The following EIF3M variants were observed in gnomAD, a reference collection of about 807,000 sequenced individuals.
EIF3M encodes B5 receptor.
A neutral mutation model predicts 49.7 loss-of-function variants in EIF3M; 25 were observed. The observed-to-expected ratio is 0.50, with a 90% CI of 0.37 to 0.70. The LOEUF (loss-of-function observed/expected upper bound fraction) is 0.70, where lower values mean the gene tolerates loss of function less well. Ranked by LOEUF, EIF3M falls within the 30% of genes least tolerant of loss-of-function variation. EIF3M has a pLI of 0.00. For synonymous variants in EIF3M, 156 were observed against 149.8 expected, an observed-to-expected ratio of 1.04 and a Z score of -0.30; for missense variants, 350 against 440.0, an observed-to-expected ratio of 0.80 and a Z score of 1.83.
Position 32,604,434 on chromosome 11 carries a change from G to C in EIF3M, c.*2035G>C, listed in dbSNP as rs1276049293. 1 of 152,094 alleles carries C rather than the reference G, an allele frequency of 6.6e-6. No homozygotes were observed. Among genetic ancestry groups the C allele is most frequent in the African/African-American group, 2.4e-5 (1 of 41,414 alleles). 9.4% of individuals were successfully genotyped at this position (152,094 alleles called of 1,614,324 possible). ...TGTTTTAGTTGAAAGGGATATACAC[G>C]TGTATTTTAGAAATATGAAACAGGA... On this transcript the variant is annotated 3_prime_UTR_variant, in exon 11 of 11. Transcript: ENST00000531120.
intron 5 of EIF3M, chr11:32,592,177 C>T (rs1855113234): frequency 5.7e-6 from 2 of 353,012 alleles, no homozygotes; most frequent in Non-Finnish European, 5.4e-6. Flanking sequence ...AAACTACCAT[C>T]TCCAAAGTTT....
At chr11:32,593,829 A>T in intron 5 of EIF3M, 37 bp from the exon 6 acceptor site, 1 of 1,459,116 alleles carries the variant, frequency 6.9e-7, no homozygotes, top group African/African-American at 1.5e-5. Flanking sequence ...GAATAGCAGT[A>T]ATGCTTTCAA....
chr11:32,593,523 C>T (rs955085082), intron 5 of EIF3M, among the ~76,000 whole-genome samples: 2 of 152,156 alleles, frequency 1.3e-5, no homozygotes, highest in Non-Finnish European at 2.9e-5. Context: ...TTTTCATGGC[C>T]AAGAAAAGGA....
chr11:32,601,709 A>G (rs1855268459), intron 9 of EIF3M, 53 bp from the exon 10 acceptor site: 1 of 1,545,050 alleles, frequency 6.5e-7, no homozygotes, highest in Non-Finnish European at 8.8e-7. Flanking sequence ...TACCTTAGCT[A>G]TTTTTCTTGG....
At position 32,603,764 on chromosome 11, in the gene EIF3M, A is replaced by C. The variant is rs895706872; in HGVS notation, c.*1365A>C. 4 of 152,230 alleles carry C rather than the reference A, an allele frequency of 2.6e-5. No individual in the cohort carries two copies. Among genetic ancestry groups the C allele is most frequent in the Non-Finnish European group, 5.9e-5 (4 of 68,056 alleles). 9.4% of individuals were successfully genotyped at this position (152,230 alleles called of 1,614,324 possible). A position where few individuals can be genotyped will look rare whatever the true frequency, so the allele number is the denominator to read the frequency against. Reference sequence around the variant, plus strand: ...TTTGATGTTTTTGAGAGATTCCCAGATAAAATTTTCTCTTCAAAAGGAATA... The same window carrying C: ...TTTGATGTTTTTGAGAGATTCCCAGCTAAAATTTTCTCTTCAAAAGGAATA... On this transcript the variant is annotated 3_prime_UTR_variant, in exon 11 of 11. Transcript: ENST00000531120.
At chr11:32,596,347 C>A (rs1855177236) in intron 8 of EIF3M, among the ~76,000 whole-genome samples, 2 of 152,096 alleles carry the variant, frequency 1.3e-5, no homozygotes, top group Non-Finnish European at 2.9e-5. Context: ...AATCCCAGCA[C>A]TTTGGAGGCC....
chr11:32,590,864 T>C (rs191099458), intron 5 of EIF3M, among the ~76,000 whole-genome samples: 2 of 152,104 alleles, frequency 1.3e-5, no homozygotes, highest in East Asian at 3.9e-4. Flanking sequence ...TTTTTTTTTT[T>C]ATTTGAGATG....
intron 8 of EIF3M, among the ~76,000 whole-genome samples, chr11:32,599,179 A>T (rs1855223558): frequency 6.6e-6 from 1 of 152,050 alleles, no homozygotes; most frequent in African/African-American, 2.4e-5. Flanking sequence ...TCTTGTGTCA[A>T]CTGAATTGCC....
At chr11:32,587,397 A>G (rs1855017839) in intron 2 of EIF3M, among the ~76,000 whole-genome samples, 1 of 152,202 alleles carries the variant, frequency 6.6e-6, no homozygotes, top group Non-Finnish European at 1.5e-5. Context: ...AAATCAGGGT[A>G]ATTGGAATAT....
At chr11:32,585,914 G>T (rs1237241899) in intron 1 of EIF3M, among the ~76,000 whole-genome samples, 1 of 151,494 alleles carries the variant, frequency 6.6e-6, no homozygotes, top group Non-Finnish European at 1.5e-5. Context: ...TCATATTCCT[G>T]TTGCACATCC....
rs769529601 is a variant in EIF3M at position 32,603,049 on chromosome 11, G to C, written c.*650G>C. Reference sequence around the variant, plus strand: ...GGAAAGATAAACTAATTTTACCTTCGAAATTATTATACAAAAGATTTTAAA... The same window carrying C: ...GGAAAGATAAACTAATTTTACCTTCCAAATTATTATACAAAAGATTTTAAA... On this transcript the variant is annotated 3_prime_UTR_variant, in exon 11 of 11. Coordinates refer to ENST00000531120, the MANE Select transcript of EIF3M (RefSeq NM_006360.6). 4 of 1,518,304 alleles carry C rather than the reference G, an allele frequency of 2.6e-6. No homozygotes were observed. Among genetic ancestry groups the C allele is most frequent in the Middle Eastern group, 1.7e-4 (1 of 5,752 alleles). The allele number at this position is 1,518,304 out of a possible 1,614,324, so 94.1% of individuals were successfully genotyped here. A position where few individuals can be genotyped will look rare whatever the true frequency, so the allele number is the denominator to read the frequency against.
intron 8 of EIF3M, among the ~76,000 whole-genome samples, chr11:32,597,125 G>T (rs1280802144): frequency 3.9e-5 from 6 of 152,176 alleles, no homozygotes; most frequent in African/African-American, 1.2e-4. Context: ...GCAACTGAAA[G>T]AATTACCATT....
Position 32,600,686 on chromosome 11 carries a change from T to C in EIF3M, c.800-3T>C. 2.5e-6 allele frequency: 4 copies of C among 1,606,096 alleles called. No homozygotes were observed. The highest frequency in any genetic ancestry group is 3.4e-6 in the Non-Finnish European group (4 of 1,176,100). On this transcript the variant is annotated splice_polypyrimidine_tract_variant and splice_region_variant and intron_variant, in intron 8 of 10. Coordinates refer to ENST00000531120, the MANE Select transcript of EIF3M (RefSeq NM_006360.6). ...CATCAGGCTTCACTATTCTGTTTTC[T>C]AGGCCTGTTACATGAACAGAATATG...
chr11:32,584,754 G>C (rs866444055), intron 1 of EIF3M, among the ~76,000 whole-genome samples: 3 of 152,078 alleles, frequency 2.0e-5, no homozygotes, highest in Non-Finnish European at 2.9e-5. Context: ...TATCAGTTCA[G>C]CTCTTAAATT....
chr11:32,594,170 G>T lies in EIF3M; in HGVS notation c.617+221G>T, dbSNP rs149731130. ...AGTAGCTGCATGGCGTTTACCTGGC[G>T]GGGGGGGTATTGCTGGTATGGGGAT... On this transcript the variant is annotated intron_variant, in intron 6 of 10. Coordinates refer to ENST00000531120, the MANE Select transcript of EIF3M (RefSeq NM_006360.6). 394 of 305,574 alleles carry T rather than the reference G, an allele frequency of 1.3e-3. 1 individual carries two copies. Among genetic ancestry groups the T allele is most frequent in the African/African-American group, 8.1e-3 (372 of 45,798 alleles). The allele number at this position is 305,574 out of a possible 1,614,324, so 18.9% of individuals were successfully genotyped here.
intron 5 of EIF3M, 143 bp from the exon 6 acceptor site, chr11:32,593,723 T>A (rs1183015669): frequency 2.2e-6 from 1 of 452,384 alleles, no homozygotes; most frequent in Non-Finnish European, 3.7e-6. Context: ...AGGAAGGTTT[T>A]ATGACTTTTC....
intron 1 of EIF3M, among the ~76,000 whole-genome samples, chr11:32,585,221 A>C (rs1854976874): frequency 6.6e-6 from 1 of 152,244 alleles, no homozygotes; most frequent in African/African-American, 2.4e-5. Flanking sequence ...TATGAAAGAC[A>C]AAAAGATACC....
intron 5 of EIF3M, among the ~76,000 whole-genome samples, chr11:32,590,289 G>A (rs12807989): frequency 0.074 from 11,331 of 152,210 alleles, 478 homozygotes; most frequent in South Asian, 0.11. Context: ...TTTACATATT[G>A]TCTGTGCCTG....
At chr11:32,585,118 C>A (rs1209360632) in intron 1 of EIF3M, among the ~76,000 whole-genome samples, 1 of 151,982 alleles carries the variant, frequency 6.6e-6, no homozygotes, top group Admixed American at 6.5e-5. Context: ...GGTAGGAATG[C>A]AGTTCCGATG....
Sources: allele counts gnomAD v4.1 joint callset (sites outside exome capture counted in the v4.1 genomes callset), GRCh38; gene constraint gnomAD v4.1.1; transcripts MANE v1.5; gene names NCBI Gene and HGNC (gene_info 2026-07-23, HGNC 2026-07-21).